Variants in PRR16 observed in about 807,000 individuals in gnomAD.
PRR16 encodes protein Largen.
Under a neutral mutation model 18.2 loss-of-function variants are expected in PRR16, and 6 were observed. The observed-to-expected ratio is 0.33, with a 90% confidence interval of 0.18 to 0.65. The LOEUF (loss-of-function observed/expected upper bound fraction) is 0.65. Ranked by LOEUF, PRR16 falls within the 30% of genes least tolerant of loss-of-function variation. The pLI, the probability that PRR16 is intolerant of heterozygous loss-of-function variation, is 0.74. For synonymous variants in PRR16, 151 were observed against 147.8 expected (o/e 1.02, Z -0.16); for missense variants, 412 against 376.6 (o/e 1.09, Z -0.78).
intron 1 of PRR16, among the ~76,000 whole-genome samples, chr5:120,596,677 C>A (rs1433917006): frequency 6.6e-6 from 1 of 151,520 alleles, no homozygotes; most frequent in Non-Finnish European, 1.5e-5. Context: ...TTGTGTAAGC[C>A]CCCTAATTCA....
chr5:120,684,774 A>T (rs1312481014), intron 1 of PRR16, among the ~76,000 whole-genome samples: 1 of 151,900 alleles, frequency 6.6e-6, no homozygotes, highest in East Asian at 1.9e-4. Flanking sequence ...GAGATGTCAG[A>T]CTCCCCAGTA....
At chr5:120,534,336 A>G (rs554168530) in intron 1 of PRR16, among the ~76,000 whole-genome samples, 1 of 152,136 alleles carries the variant, frequency 6.6e-6, no homozygotes, top group Admixed American at 6.6e-5. Flanking sequence ...ATCTTAAAAG[A>G]TATTATATTT....
At chr5:120,577,199 G>T (rs1450855338) in intron 1 of PRR16, among the ~76,000 whole-genome samples, 1 of 151,910 alleles carries the variant, frequency 6.6e-6, no homozygotes, top group African/African-American at 2.4e-5. Context: ...CTAAGGATGT[G>T]CACTGAAATT....
intron 1 of PRR16, among the ~76,000 whole-genome samples, chr5:120,537,807 C>G (rs10062263): frequency 0.2 from 25,990 of 132,982 alleles, 2,595 homozygotes; most frequent in Non-Finnish European, 0.21. Flanking sequence ...GACGGAGTCT[C>G]GCTCTGTCGC....
the PRR16 span, among the ~76,000 whole-genome samples, chr5:120,700,124 G>GT: frequency 5.9e-5 from 9 of 152,246 alleles, no homozygotes; most frequent in Non-Finnish European, 8.8e-5. Flanking sequence ...GGATAGGAGA[G>GT]TATATGGGTT....
At chr5:120,556,980 A>T (rs1044129898) in intron 1 of PRR16, among the ~76,000 whole-genome samples, 9 of 151,760 alleles carry the variant, frequency 5.9e-5, no homozygotes, top group African/African-American at 2.2e-4. Flanking sequence ...GGGTATGTTT[A>T]TTTTAGAAGA....
chr5:120,789,722 T>C, the PRR16 span, among the ~76,000 whole-genome samples: 2 of 152,236 alleles, frequency 1.3e-5, no homozygotes, highest in Non-Finnish European at 2.9e-5. Flanking sequence ...ATAATCATAC[T>C]ACTGTACTTA....
At chr5:120,543,346 T>G (rs2112686670) in intron 1 of PRR16, among the ~76,000 whole-genome samples, 1 of 152,252 alleles carries the variant, frequency 6.6e-6, no homozygotes, top group East Asian at 1.9e-4. Context: ...CTTCCTTAAC[T>G]GATGCAGTAA....
the PRR16 span, among the ~76,000 whole-genome samples, chr5:120,742,901 C>T: frequency 2.1e-4 from 32 of 152,312 alleles, no homozygotes; most frequent in African/African-American, 7.2e-4. Flanking sequence ...TCATGGCCCC[C>T]TTCCAGCCAT....
the PRR16 span, among the ~76,000 whole-genome samples, chr5:120,761,066 AT>A: frequency 1.3e-5 from 2 of 151,924 alleles, no homozygotes; most frequent in Non-Finnish European, 2.9e-5. Context: ...AAGTGTTAAC[AT>A]TTCTAATTGT....
chr5:120,724,624 T>A, the PRR16 span, among the ~76,000 whole-genome samples: 1 of 152,102 alleles, frequency 6.6e-6, no homozygotes, highest in Non-Finnish European at 1.5e-5. Flanking sequence ...TTGTTTTGCC[T>A]GTTTAACTCT....
At chr5:120,744,104 GA>G in the PRR16 span, among the ~76,000 whole-genome samples, 4 of 151,892 alleles carry the variant, frequency 2.6e-5, no homozygotes, top group Non-Finnish European at 5.9e-5. Context: ...TTGCTTTTGA[GA>G]AAAAGGAAGG....
the PRR16 span, among the ~76,000 whole-genome samples, chr5:120,699,264 C>T: frequency 1.4e-4 from 22 of 152,046 alleles, no homozygotes; most frequent in African/African-American, 4.6e-4. Flanking sequence ...TTCTAAGAGG[C>T]GGGCTAGTGG....
intron 1 of PRR16, among the ~76,000 whole-genome samples, chr5:120,609,632 A>G (rs76721780): frequency 0.059 from 8,954 of 152,300 alleles, 339 homozygotes; most frequent in South Asian, 0.085. Context: ...GAAATCTGAA[A>G]CACTTACACA....
chr5:120,791,132 A>T, the PRR16 span, among the ~76,000 whole-genome samples: 2 of 152,104 alleles, frequency 1.3e-5, no homozygotes, highest in African/African-American at 4.8e-5. Context: ...CAGCATTTTC[A>T]GTTTATTTTT....
chr5:120,692,035 G>A (rs1580887024), downstream of PRR16, among the ~76,000 whole-genome samples: 1 of 152,172 alleles, frequency 6.6e-6, no homozygotes, highest in African/African-American at 2.4e-5. Flanking sequence ...GGGCCAGTAA[G>A]TGGTCAAGTG....
intron 1 of PRR16, among the ~76,000 whole-genome samples, chr5:120,506,398 A>C (rs1688030194): frequency 1.3e-5 from 2 of 152,150 alleles, no homozygotes; most frequent in Non-Finnish European, 2.9e-5. Flanking sequence ...AATCTGTTAG[A>C]GATATGGCCT....
At chr5:120,679,591 T>C (rs1007378875) in intron 1 of PRR16, among the ~76,000 whole-genome samples, 4 of 152,204 alleles carry the variant, frequency 2.6e-5, no homozygotes, top group African/African-American at 9.6e-5. Context: ...GTTTTCCACA[T>C]AGCATCTGAA....
chr5:120,597,726 G>T (rs948092286), intron 1 of PRR16, among the ~76,000 whole-genome samples: 2 of 151,732 alleles, frequency 1.3e-5, no homozygotes, highest in African/African-American at 4.8e-5. Flanking sequence ...GGATATTTAG[G>T]AGCGTGATTC....
Sources: allele counts gnomAD v4.1 joint callset (sites outside exome capture counted in the v4.1 genomes callset), GRCh38; gene constraint gnomAD v4.1.1; transcripts MANE v1.5; gene names NCBI Gene and HGNC (gene_info 2026-07-23, HGNC 2026-07-21).